ATP6V1H: variants seen among roughly 807,000 people sequenced by gnomAD.
ATP6V1H encodes the protein V-type proton ATPase subunit H.
In ATP6V1H, 39 loss-of-function variants were observed where a neutral mutation model predicts 71.7. The observed-to-expected ratio is 0.54, with a 90% CI of 0.42 to 0.71. The LOEUF is 0.71. Ranked by LOEUF, ATP6V1H falls within the 30% of genes least tolerant of loss-of-function variation. The pLI, the probability that ATP6V1H is intolerant of heterozygous loss-of-function variation, is 0.00. For missense variants in ATP6V1H, 509 were observed against 594.9 expected (o/e 0.86, Z 1.50); for synonymous variants, 192 against 199.3 (o/e 0.96, Z 0.31).
At chr8:53,804,741 A>G (rs1810023332) in intron 7 of ATP6V1H, among the ~76,000 whole-genome samples, 1 of 152,234 alleles carries the variant, frequency 6.6e-6, no homozygotes, top group African/African-American at 2.4e-5. Context: ...TGCTTGAGCT[A>G]GTATTCTTTG....
At chr8:53,820,539 C>CGCCTGTAG (rs1480606684) in intron 4 of ATP6V1H, among the ~76,000 whole-genome samples, 2 of 151,564 alleles carry the variant, frequency 1.3e-5, no homozygotes, top group Non-Finnish European at 2.9e-5. Context: ...TGGTGGTAAG[C>CGCCTGTAG]GCCTGTAGTT....
chr8:53,752,531 G>T (rs989676003), intron 12 of ATP6V1H, among the ~76,000 whole-genome samples: 2 of 152,188 alleles, frequency 1.3e-5, no homozygotes, highest in African/African-American at 4.8e-5. Context: ...GGTAAGAAAA[G>T]AAACTGAGTA....
intron 2 of ATP6V1H, among the ~76,000 whole-genome samples, chr8:53,840,446 C>A (rs541462067): frequency 9.3e-5 from 14 of 150,238 alleles, no homozygotes; most frequent in African/African-American, 3.4e-4. Flanking sequence ...TGCAGTGAGC[C>A]AAGACTGCCC....
At chr8:53,737,611 G>A (rs558581496) in intron 13 of ATP6V1H, among the ~76,000 whole-genome samples, 1 of 152,324 alleles carries the variant, frequency 6.6e-6, no homozygotes, top group Non-Finnish European at 1.5e-5. Context: ...CTGATACCGT[G>A]TGGTGGGAGA....
intron 2 of ATP6V1H, among the ~76,000 whole-genome samples, chr8:53,837,120 G>A (rs985329802): frequency 2.6e-5 from 4 of 151,510 alleles, no homozygotes; most frequent in Admixed American, 1.3e-4. Flanking sequence ...CAGCCTGGGC[G>A]ACAAGAGTGA....
intron 13 of ATP6V1H, among the ~76,000 whole-genome samples, chr8:53,737,299 A>T (rs554599152): frequency 2.1e-4 from 32 of 152,308 alleles, no homozygotes; most frequent in African/African-American, 7.5e-4. Context: ...CACAAATTGA[A>T]TTTTCTAACA....
chr8:53,801,354 T>C (rs1442551691), intron 8 of ATP6V1H, among the ~76,000 whole-genome samples: 2 of 152,224 alleles, frequency 1.3e-5, no homozygotes, highest in Admixed American at 6.5e-5. Flanking sequence ...GGTTTTCAGG[T>C]GCTTGTCTGT....
At chr8:53,829,121 T>C (rs1810913108) in intron 4 of ATP6V1H, among the ~76,000 whole-genome samples, 1 of 152,202 alleles carries the variant, frequency 6.6e-6, no homozygotes, top group Admixed American at 6.5e-5. Flanking sequence ...GAAGGAGCCA[T>C]ATCATCCATA....
chr8:53,771,712 G>A (rs1489227876), intron 10 of ATP6V1H, among the ~76,000 whole-genome samples: 2 of 152,256 alleles, frequency 1.3e-5, no homozygotes, highest in Non-Finnish European at 2.9e-5. Context: ...GAGAAGACTC[G>A]AGGAGCTCCA....
chr8:53,731,910 T>G (rs540328314), intron 13 of ATP6V1H, among the ~76,000 whole-genome samples: 2 of 152,230 alleles, frequency 1.3e-5, no homozygotes, highest in Non-Finnish European at 1.5e-5. Flanking sequence ...GTGGAACACC[T>G]CATCAGAGCG....
At chr8:53,763,440 C>T (rs754625288) in intron 11 of ATP6V1H, among the ~76,000 whole-genome samples, 3 of 152,112 alleles carry the variant, frequency 2.0e-5, no homozygotes, top group Admixed American at 6.6e-5. Context: ...AAATTAAATA[C>T]GATGTAAACA....
intron 12 of ATP6V1H, 103 bp from the exon 13 acceptor site, chr8:53,743,793 A>G (rs955690554): frequency 1.2e-5 from 8 of 693,048 alleles, no homozygotes; most frequent in African/African-American, 1.8e-5. Context: ...GAAAGTAACA[A>G]TGTACGTAAA....
At chr8:53,732,594 A>G (rs1807061038) in intron 13 of ATP6V1H, among the ~76,000 whole-genome samples, 1 of 151,740 alleles carries the variant, frequency 6.6e-6, no homozygotes, top group South Asian at 2.1e-4. Flanking sequence ...CTTTAGAGTG[A>G]CTCATAGTTA....
chr8:53,797,905 T>C (rs1809794250), intron 8 of ATP6V1H, among the ~76,000 whole-genome samples: 1 of 152,158 alleles, frequency 6.6e-6, no homozygotes, highest in Admixed American at 6.5e-5. Flanking sequence ...ACTTAGTTAA[T>C]AATTCTTCAT....
intron 13 of ATP6V1H, among the ~76,000 whole-genome samples, chr8:53,729,841 C>T (rs1258279834): frequency 6.6e-6 from 1 of 152,170 alleles, no homozygotes; most frequent in Admixed American, 6.5e-5. Flanking sequence ...AGGTACTGTA[C>T]TAGCCCAGGT....
chr8:53,755,782 G>C, intron 12 of ATP6V1H, among the ~76,000 whole-genome samples: 4 of 60,738 alleles, frequency 6.6e-5, no homozygotes, highest in African/African-American at 2.9e-4. Context: ...TTTTGAGACG[G>C]AGTCTCGCTC....
Position 53,722,425 on chromosome 8 carries a change from T to C in ATP6V1H, c.1392-6401A>G, listed in dbSNP as rs567319743. Among the ~76,000 whole-genome samples, 10 of 152,364 alleles carry C rather than the reference T, an allele frequency of 6.6e-5. No individual in the cohort carries two copies. In the South Asian group the frequency reaches 2.1e-3, roughly 32 times the overall value. On this transcript the variant is annotated intron_variant, in intron 13 of 13. Transcript: ENST00000359530. ...ACTGCACTACATACAGATCCAGTTA[T>C]GCAACGTGCAGTGTGGGAGAAATGC... is the stretch of plus-strand genomic sequence containing the variant.
chr8:53,814,252 C>A (rs546943528), intron 6 of ATP6V1H, among the ~76,000 whole-genome samples: 1 of 152,124 alleles, frequency 6.6e-6, no homozygotes, highest in Non-Finnish European at 1.5e-5. Context: ...AAGGGAGCTG[C>A]GCCTGGAAAT....
intron 7 of ATP6V1H, chr8:53,806,910 C>G (rs1810094009): frequency 2.2e-6 from 1 of 449,148 alleles, no homozygotes; most frequent in East Asian, 7.0e-5. Flanking sequence ...ACTATTTCTA[C>G]CAAATGTATA....
Sources: gnomAD v4.1 joint callset for allele counts (sites outside exome capture counted in the v4.1 genomes callset) on GRCh38, gnomAD v4.1.1 for gene constraint, MANE v1.5 for transcripts, NCBI Gene and HGNC (gene_info 2026-07-23, HGNC 2026-07-21) for gene names.